Variants in FMN1 observed in about 807,000 individuals in gnomAD.
The protein encoded by FMN1 is formin-1.
FMN1 carries 110 observed loss-of-function variants against 132.4 expected under a neutral mutation model. The ratio of observed to expected loss-of-function variants is 0.83; its 90% CI spans 0.71 to 0.97. The LOEUF (loss-of-function observed/expected upper bound fraction) is 0.97, where lower values mean the gene tolerates loss of function less well. FMN1 is among the 50% of genes least tolerant of loss of function. The pLI, the probability that FMN1 is intolerant of heterozygous loss-of-function variation, is 0.00. For synonymous variants in FMN1, 722 were observed against 651.7 expected (o/e 1.11, Z -1.64); for missense variants, 1,792 against 1,705.3 (o/e 1.05, Z -0.90).
At chr15:33,052,477 G>T (rs2037022269) in intron 6 of FMN1, among the ~76,000 whole-genome samples, 1 of 152,204 alleles carries the variant, frequency 6.6e-6, no homozygotes, top group South Asian at 2.1e-4. Context: ...CCTGTCTGAT[G>T]TCTTTTTCTG....
intron 17 of FMN1, among the ~76,000 whole-genome samples, chr15:32,806,765 A>G (rs1003505154): frequency 6.6e-6 from 1 of 152,196 alleles, no homozygotes; most frequent in African/African-American, 2.4e-5. Context: ...CCCTGACCAC[A>G]GTCTGCACGA....
In FMN1 at chr15:32,949,986, C is replaced by CATACACAT. The variant is rs1567449086; in HGVS notation, c.3138+14120_3138+14121insATGTGTAT. Among the ~76,000 whole-genome samples the CATACACAT allele has an allele frequency of 6.0e-4, 5 of 8,268 alleles. 1 individual carries two copies. Among genetic ancestry groups the CATACACAT allele is most frequent in the African/African-American group, 1.2e-3 (3 of 2,522 alleles). 5.4% of individuals were successfully genotyped at this position (8,268 alleles called of 152,430 possible). A position where few individuals can be genotyped will look rare whatever the true frequency, so the allele number is the denominator to read the frequency against. ...ATATACACACATATATATACACACA[C>CATACACAT]ATATATATACACATACACATATATA... On this transcript the variant is annotated intron_variant, in intron 9 of 20. Transcript: ENST00000616417.
chr15:32,993,449 A>G (rs1362336879), intron 7 of FMN1, among the ~76,000 whole-genome samples: 1 of 150,918 alleles, frequency 6.6e-6, no homozygotes, highest in East Asian at 1.9e-4. Context: ...CACCTACTGC[A>G]GCTTTCAAAG....
Position 32,908,488 on chromosome 15 carries a change from A to C in FMN1, c.3377+2T>G, listed in dbSNP as rs908166606. 1 of 1,598,256 alleles carries C rather than the reference A, an allele frequency of 6.3e-7. No homozygotes were observed. The highest frequency in any genetic ancestry group is 8.6e-7 in the Non-Finnish European group (1 of 1,166,418). On this transcript the variant is annotated splice_donor_variant, in intron 12 of 20. Transcript: ENST00000616417. LOFTEE classifies it high-confidence loss of function. Reference sequence around the variant, plus strand: ...TAACAGAAAAATGTTAAGTATCCTTACTGCTCAGGTTTATCCAGCAGCTTC... The same window carrying C: ...TAACAGAAAAATGTTAAGTATCCTTCCTGCTCAGGTTTATCCAGCAGCTTC...
chr15:33,002,630 A>G (rs904340752), intron 7 of FMN1, among the ~76,000 whole-genome samples: 4 of 152,244 alleles, frequency 2.6e-5, no homozygotes, highest in African/African-American at 9.6e-5. Context: ...GGTGGAAGTG[A>G]ATGCCTGCGA....
At chr15:32,960,404 G>A (rs2030378614) in intron 9 of FMN1, among the ~76,000 whole-genome samples, 3 of 152,094 alleles carry the variant, frequency 2.0e-5, no homozygotes, top group South Asian at 4.2e-4. Context: ...ATATTTGGGT[G>A]GGGTCACAGA....
intron 16 of FMN1, among the ~76,000 whole-genome samples, chr15:32,873,810 G>A (rs1307098117): frequency 6.6e-6 from 1 of 152,062 alleles, no homozygotes; most frequent in Non-Finnish European, 1.5e-5. Context: ...AAAACTTAAA[G>A]TCATGGAGGC....
At chr15:32,842,947 G>A (rs1437405636) in intron 17 of FMN1, among the ~76,000 whole-genome samples, 1 of 151,990 alleles carries the variant, frequency 6.6e-6, no homozygotes, top group Non-Finnish European at 1.5e-5. Context: ...CCAACATGGA[G>A]AAACCCTGTC....
chr15:33,121,875 C>A (rs2468765), intron 4 of FMN1, among the ~76,000 whole-genome samples: 3 of 152,126 alleles, frequency 2.0e-5, no homozygotes, highest in African/African-American at 7.2e-5. Context: ...AATTTGAAAA[C>A]AAAAAGAAAG....
intron 17 of FMN1, among the ~76,000 whole-genome samples, chr15:32,829,430 G>A (rs2058449156): frequency 6.6e-6 from 1 of 152,114 alleles, no homozygotes; most frequent in South Asian, 2.1e-4. Flanking sequence ...CCAGGAGAGG[G>A]GGGTGAAAGA....
At position 32,908,597 on chromosome 15, in the gene FMN1, C is replaced by T; in HGVS notation, c.3289-19G>A. ...GGGCTCTCTGTATCAAAATAGAAAACAAAACCAAAAAAAAAAAAAAAAAAA... is the reference window on the plus strand; with the variant it reads ...GGGCTCTCTGTATCAAAATAGAAAATAAAACCAAAAAAAAAAAAAAAAAAA... On this transcript the variant is annotated intron_variant, in intron 11 of 20. Transcript: ENST00000616417. 1 of 446,246 alleles carries T rather than the reference C, an allele frequency of 2.2e-6. No individual in the cohort carries two copies. The highest frequency in any genetic ancestry group is 3.1e-6 in the Non-Finnish European group (1 of 322,266). 27.6% of individuals were successfully genotyped at this position (446,246 alleles called of 1,614,324 possible). A position where few individuals can be genotyped will look rare whatever the true frequency, so the allele number is the denominator to read the frequency against.
intron 17 of FMN1, among the ~76,000 whole-genome samples, chr15:32,814,573 A>G (rs1005444399): frequency 5.9e-5 from 9 of 152,232 alleles, no homozygotes; most frequent in African/African-American, 1.9e-4. Context: ...GGCTTCTTGC[A>G]TTTTGTTTCA....
chr15:32,973,633 C>G (rs577499748), intron 7 of FMN1, among the ~76,000 whole-genome samples: 1 of 150,852 alleles, frequency 6.6e-6, no homozygotes, highest in East Asian at 2.0e-4. Flanking sequence ...CTCTCTTGAT[C>G]ATTACAATTT....
chr15:32,978,215 C>T (rs2032369044), intron 7 of FMN1, among the ~76,000 whole-genome samples: 2 of 152,084 alleles, frequency 1.3e-5, no homozygotes, highest in Admixed American at 1.3e-4. Flanking sequence ...CCTTTAAAAT[C>T]AGCAAATATA....
chr15:32,898,643 C>G (rs1202608545), intron 15 of FMN1, among the ~76,000 whole-genome samples, 191 bp downstream of exon 15: 1 of 152,170 alleles, frequency 6.6e-6, no homozygotes, highest in Non-Finnish European at 1.5e-5. Context: ...ATTTACACCA[C>G]TGAATAATGC....
At chr15:32,875,954 A>T (rs1264897250) in intron 16 of FMN1, among the ~76,000 whole-genome samples, 1 of 152,108 alleles carries the variant, frequency 6.6e-6, no homozygotes, top group Non-Finnish European at 1.5e-5. Flanking sequence ...TCCTATCTCG[A>T]AGACTCTGTT....
At chr15:32,966,626 C>G (rs888489008) in intron 8 of FMN1, among the ~76,000 whole-genome samples, 4 of 151,618 alleles carry the variant, frequency 2.6e-5, no homozygotes, top group Non-Finnish European at 5.9e-5. Context: ...GGCAAAACGT[C>G]AAAAGAAAAA....
intron 3 of FMN1, among the ~76,000 whole-genome samples, chr15:33,166,671 A>G (rs1052169448): frequency 1.2e-4 from 19 of 152,206 alleles, no homozygotes; most frequent in Non-Finnish European, 2.4e-4. Flanking sequence ...AGATACTGGT[A>G]TTAGAGTTTT....
rs59788006 is a variant in FMN1 at position 32,930,720 on chromosome 15, T to G, written c.3139-4459A>C. On this transcript the variant is annotated intron_variant, in intron 9 of 20. Coordinates refer to ENST00000616417, the MANE Select transcript of FMN1 (RefSeq NM_001277313.2). Reference sequence around the variant, plus strand: ...GTGCATCTGTTATTTTTGCTTTTTTTGGGGGGGGGCGGTCTATGCTTTTCA... The same window carrying G: ...GTGCATCTGTTATTTTTGCTTTTTTGGGGGGGGGGCGGTCTATGCTTTTCA... Among the ~76,000 whole-genome samples the G allele has an allele frequency of 9.6e-3, 1,442 of 149,782 alleles. 25 individuals are homozygous for G. Among genetic ancestry groups the G allele is most frequent in the African/African-American group, 0.033 (1,342 of 40,738 alleles).
Sources: gnomAD v4.1 joint callset for allele counts (sites outside exome capture counted in the v4.1 genomes callset) on GRCh38, gnomAD v4.1.1 for gene constraint, MANE v1.5 for transcripts, NCBI Gene and HGNC (gene_info 2026-07-23, HGNC 2026-07-21) for gene names.